The following FAM53B variants were observed in gnomAD, a reference collection of about 807,000 sequenced individuals.
The protein encoded by FAM53B is family with sequence similarity 53 member B, also known as protein FAM53B.
A neutral mutation model predicts 32.7 loss-of-function variants in FAM53B; 12 were observed. The ratio of observed to expected loss-of-function variants is 0.37; its 90% CI spans 0.24 to 0.59. The LOEUF is 0.59. FAM53B is among the 20% of genes least tolerant of loss of function. The pLI is 0.72. For missense variants in FAM53B, 477 were observed against 577.7 expected (o/e 0.83, Z 1.79); for synonymous variants, 234 against 228.7 (o/e 1.02, Z -0.21).
At chr10:124,630,141 G>A (rs1184488594) in intron 4 of FAM53B, among the ~76,000 whole-genome samples, 1 of 152,254 alleles carries the variant, frequency 6.6e-6, no homozygotes, top group Admixed American at 6.5e-5. Context: ...AGCCAAGCGG[G>A]GTGGCTCACA....
intron 1 of FAM53B, chr10:124,742,553 T>C (rs1262837333): frequency 6.6e-6 from 1 of 152,206 alleles, no homozygotes; most frequent in Non-Finnish European, 1.5e-5. Flanking sequence ...ACACATATGC[T>C]AGCATGTCAT....
intron 4 of FAM53B, among the ~76,000 whole-genome samples, chr10:124,679,528 GC>G (rs1949755653): frequency 1.3e-5 from 2 of 152,232 alleles, no homozygotes; most frequent in Non-Finnish European, 2.9e-5. Context: ...AGCAGGCAGA[GC>G]CCCATGGAGA....
At chr10:124,689,436 G>A (rs906769779) in intron 3 of FAM53B, among the ~76,000 whole-genome samples, 2 of 152,328 alleles carry the variant, frequency 1.3e-5, no homozygotes, top group African/African-American at 4.8e-5. Context: ...CTCGGGCTTT[G>A]CCTGCCAGGC....
At chr10:124,632,287 G>C (rs767780483) in intron 4 of FAM53B, among the ~76,000 whole-genome samples, 2 of 152,240 alleles carry the variant, frequency 1.3e-5, no homozygotes, top group Non-Finnish European at 2.9e-5. Flanking sequence ...CAAACATTTT[G>C]TTTCTGTGGT....
rs964874222 is a variant in FAM53B at position 124,647,285 on chromosome 10, C to T, written c.907-23681G>A. 2.2e-4 allele frequency among the ~76,000 whole-genome samples: 33 copies of T among 152,126 alleles called. 1 individual carries two copies. Among genetic ancestry groups the T allele is most frequent in the Admixed American group, 2.0e-3 (30 of 15,274 alleles). ...GAGTCTAAGTGACTTGGATGAATGG[C>T]GCAGAAAGCCACGGCAAATCTCCCT... On this transcript the variant is annotated intron_variant, in intron 4 of 4. Coordinates refer to ENST00000337318, the MANE Select transcript of FAM53B (RefSeq NM_014661.4).
intron 2 of FAM53B, among the ~76,000 whole-genome samples, chr10:124,703,238 C>T (rs1358236370): frequency 1.3e-5 from 2 of 152,126 alleles, no homozygotes; most frequent in African/African-American, 2.4e-5. Context: ...TTAGCAGAGA[C>T]GGGGCTTCAC....
chr10:124,698,220 A>G (rs1949887999), intron 2 of FAM53B, among the ~76,000 whole-genome samples: 1 of 152,108 alleles, frequency 6.6e-6, no homozygotes, highest in South Asian at 2.1e-4. Flanking sequence ...AGGTGGGAGA[A>G]GGTAACCCAG....
At chr10:124,741,245 G>C (rs1950197593) in intron 1 of FAM53B, among the ~76,000 whole-genome samples, 1 of 152,144 alleles carries the variant, frequency 6.6e-6, no homozygotes, top group Admixed American at 6.5e-5. Context: ...GTAATGATGG[G>C]GGTTGTGCCG....
At position 124,738,715 on chromosome 10, in the gene FAM53B, G is replaced by A. The variant is rs78905664; in HGVS notation, c.-175+5298C>T. 1.5e-3 allele frequency among the ~76,000 whole-genome samples: 224 copies of A among 152,196 alleles called. 2 individuals are homozygous for A. Among genetic ancestry groups the A allele is most frequent in the African/African-American group, 5.2e-3 (217 of 41,524 alleles). On this transcript the variant is annotated intron_variant, in intron 1 of 4. Transcript: ENST00000337318. ...TCAGTTACTTGATTACTTTAGGCAC[G>A]TAAACAAAATATGATATTGTACAGA... is the stretch of plus-strand genomic sequence containing the variant.
intron 1 of FAM53B, among the ~76,000 whole-genome samples, chr10:124,715,561 C>A (rs567849609): frequency 6.6e-6 from 1 of 152,282 alleles, no homozygotes; most frequent in East Asian, 1.9e-4. Flanking sequence ...TGTGGGGAGC[C>A]CCCCCTCCAC....
At chr10:124,678,104 GA>G (rs1383087927) in intron 4 of FAM53B, among the ~76,000 whole-genome samples, 6 of 152,184 alleles carry the variant, frequency 3.9e-5, no homozygotes, top group African/African-American at 1.4e-4. Context: ...GAAAACACTG[GA>G]CAAACAAAGA....
chr10:124,648,512 C>T lies in FAM53B; in HGVS notation c.907-24908G>A, dbSNP rs374194656. On this transcript the variant is annotated intron_variant, in intron 4 of 4. Transcript: ENST00000337318. ...CCCATCTGTAAAATGGCAATAATGA[C>T]CTCGTCCTGCCTGCCTCATAGGAAT... Among the ~76,000 whole-genome samples the T allele has an allele frequency of 2.8e-4, 42 of 152,316 alleles. No homozygotes were observed. In the East Asian group the frequency reaches 4.3e-3, roughly 15 times the overall value.
At chr10:124,706,038 G>A (rs1949955463) in intron 2 of FAM53B, among the ~76,000 whole-genome samples, 1 of 152,216 alleles carries the variant, frequency 6.6e-6, no homozygotes, top group Non-Finnish European at 1.5e-5. Flanking sequence ...GGGCTTGGAA[G>A]GACAGGTCTG....
rs74533612 is a variant in FAM53B, at chr10:124,682,093, G to T, written c.420C>A (p.Pro140=). Residue 140 remains proline, a synonymous_variant, in exon 4 of 5, where the codon CCC becomes CCA. Transcript: ENST00000337318. The surrounding 1 kb of genome is among the most constrained non-coding windows in gnomAD (Gnocchi z 5.2). ...WRPLGSKVWT[P]VEKRRCYSGG... ...CGCTGTAGCAGCGTCTCTTTTCCAC[G>T]GGAGTCCAGACTTTGGAGCCCAAGG... is the stretch of plus-strand genomic sequence containing the variant. 8.6e-4 allele frequency: 1,383 copies of T among 1,613,742 alleles called. 5 individuals are homozygous for T. The African/African-American group carries it at 0.015, about 18-fold the overall frequency.
intron 2 of FAM53B, among the ~76,000 whole-genome samples, chr10:124,702,510 G>A (rs1949921572): frequency 6.6e-6 from 1 of 152,186 alleles, no homozygotes; most frequent in South Asian, 2.1e-4. Context: ...AAGGCCTGGA[G>A]GGGCTCCAAG....
intron 1 of FAM53B, among the ~76,000 whole-genome samples, chr10:124,731,732 G>A (rs532208192): frequency 6.6e-6 from 1 of 152,202 alleles, no homozygotes; most frequent in South Asian, 2.1e-4. Context: ...GGATTCCAGT[G>A]AGGTGTGGCA....
intron 1 of FAM53B, among the ~76,000 whole-genome samples, chr10:124,738,579 C>T (rs1015451223): frequency 6.6e-6 from 1 of 151,928 alleles, no homozygotes; most frequent in Non-Finnish European, 1.5e-5. Flanking sequence ...TCACACCCCC[C>T]CGAGAAGCAA....
At chr10:124,691,544 TC>T (rs1949832559) in intron 3 of FAM53B, among the ~76,000 whole-genome samples, 1 of 152,264 alleles carries the variant, frequency 6.6e-6, no homozygotes, top group Non-Finnish European at 1.5e-5. Flanking sequence ...ACAAGACTTT[TC>T]CTAGTAGCCT....
intron 4 of FAM53B, among the ~76,000 whole-genome samples, chr10:124,665,296 G>A (rs4962679): frequency 0.25 from 37,630 of 152,102 alleles, 5,956 homozygotes; most frequent in South Asian, 0.37. Context: ...GCCATCCTTC[G>A]CTGCCCACAG....
Sources: gnomAD v4.1 joint callset for allele counts (sites outside exome capture counted in the v4.1 genomes callset) on GRCh38, gnomAD v4.1.1 for gene constraint, Gnocchi (gnomAD v3.1) non-coding constraint, MANE v1.5 for transcripts, NCBI Gene and HGNC (gene_info 2026-07-23, HGNC 2026-07-21) for gene names.